NPHP1: variants seen among roughly 807,000 people sequenced by gnomAD.
The protein encoded by NPHP1 is nephrocystin 1, also known as nephrocystin-1.
NPHP1 carries 70 observed loss-of-function variants against 90.4 expected under a neutral mutation model. The ratio of observed to expected loss-of-function variants is 0.77; its 90% CI spans 0.64 to 0.95. The LOEUF (loss-of-function observed/expected upper bound fraction) is 0.95. Ranked by LOEUF, NPHP1 falls within the 40% of genes least tolerant of loss-of-function variation. NPHP1 has a pLI of 0.00. For synonymous variants in NPHP1, 256 were observed against 271.7 expected, an observed-to-expected ratio of 0.94 and a Z score of 0.57; for missense variants, 764 against 795.9, an observed-to-expected ratio of 0.96 and a Z score of 0.48.
In NPHP1 at chr2:110,193,250, T is replaced by C. The variant is rs150259301; in HGVS notation, c.143+8171A>G. Among the ~76,000 whole-genome samples, 1,134 of 152,194 alleles carry C rather than the reference T, an allele frequency of 7.5e-3. 9 individuals are homozygous for C. The highest frequency in any genetic ancestry group is 0.032 in the South Asian group (153 of 4,826). On this transcript the variant is annotated intron_variant, in intron 2 of 19. Coordinates refer to ENST00000445609, the MANE Select transcript of NPHP1 (RefSeq NM_001128178.3). Reference sequence around the variant, plus strand: ...AGTCAAGGCCCATCAGTGTGTTGTATTCAGGAAACCCATCTCATGTACAGA... The same window carrying C: ...AGTCAAGGCCCATCAGTGTGTTGTACTCAGGAAACCCATCTCATGTACAGA...
At chr2:110,125,218 C>G in intron 19 of NPHP1, 1 of 1,535,074 alleles carries the variant, frequency 6.5e-7, no homozygotes, top group Non-Finnish European at 8.7e-7. Context: ...TTGGTAATTA[C>G]CATGATTTTA....
chr2:110,200,192 T>C (rs1303282358), intron 2 of NPHP1, among the ~76,000 whole-genome samples: 3 of 151,794 alleles, frequency 2.0e-5, no homozygotes, highest in African/African-American at 7.3e-5. Context: ...GAGGTGGAGC[T>C]TGCAGTGAGC....
chr2:110,123,963 T>C lies in NPHP1; in HGVS notation c.1862A>G (p.Glu621Gly). The C allele has an allele frequency of 2.5e-6, 4 of 1,614,118 alleles. No homozygotes were observed. Among genetic ancestry groups the C allele is most frequent in the Non-Finnish European group, 3.4e-6 (4 of 1,179,954 alleles). The change falls in exon 20 of 20, where the codon GAA becomes GGA. Residue 621 changes from glutamate to glycine, a missense_variant. Coordinates refer to ENST00000445609, the MANE Select transcript of NPHP1 (RefSeq NM_001128178.3). ...CCACCGTGCAGTCTCAGTCTCTTCT[T>C]CTGCCCACCTGAATGGGGGTAGGCG... The part of the protein sequence containing the change: ...STRLPPFRWA[E>G]EETETARWKV...
intron 18 of NPHP1, chr2:110,127,170 CT>C (rs1482080480): frequency 6.6e-6 from 1 of 152,254 alleles, no homozygotes; most frequent in Non-Finnish European, 1.5e-5. Context: ...TCTCCCTCTT[CT>C]GCAGGGAAAC....
chr2:110,123,717 C>G lies in NPHP1; in HGVS notation c.*74G>C. On this transcript the variant is annotated 3_prime_UTR_variant, in exon 20 of 20. Coordinates refer to ENST00000445609, the MANE Select transcript of NPHP1 (RefSeq NM_001128178.3). ...TGTAAAGTGACAGTGATTTTTGGTT[C>G]CATCATTTTATTCACGTAATCGTGG... 2 of 1,499,526 alleles carry G rather than the reference C, an allele frequency of 1.3e-6. No homozygotes were observed. Among genetic ancestry groups the G allele is most frequent in the Non-Finnish European group, 1.9e-6 (2 of 1,078,948 alleles). 92.9% of individuals were successfully genotyped at this position (1,499,526 alleles called of 1,614,324 possible).
At chr2:110,154,513 G>A (rs572996292) in intron 11 of NPHP1, among the ~76,000 whole-genome samples, 2 of 152,274 alleles carry the variant, frequency 1.3e-5, no homozygotes, top group Admixed American at 6.5e-5. Flanking sequence ...GGAAAGTTTG[G>A]AATCTCCTAG....
At chr2:110,153,912 G>A (rs1335213943) in intron 11 of NPHP1, among the ~76,000 whole-genome samples, 1 of 151,948 alleles carries the variant, frequency 6.6e-6, no homozygotes, top group East Asian at 1.9e-4. Context: ...AAACACAGGA[G>A]GCAGAGGTTG....
At chr2:110,178,098 C>T (rs529141309) in intron 4 of NPHP1, 14 of 375,336 alleles carry the variant, frequency 3.7e-5, no homozygotes, top group African/African-American at 2.9e-4. Flanking sequence ...AGTAGACATT[C>T]CAAATCATTT....
chr2:110,165,011 G>T, intron 7 of NPHP1, 41 bp downstream of exon 7: 2 of 1,446,010 alleles, frequency 1.4e-6, no homozygotes. Flanking sequence ...CAAATAAAAT[G>T]TTTCCTAAAC....
rs779679267 is a variant in NPHP1, at chr2:110,165,033, T to A, written c.728+19A>T. On this transcript the variant is annotated intron_variant, in intron 7 of 19. Coordinates refer to ENST00000445609, the MANE Select transcript of NPHP1 (RefSeq NM_001128178.3). ...AATGTTTCCTAAACCTACTTTGATATCCTTTCCCACTTTTGTACCTTTGCT... is the reference window on the plus strand; with the variant it reads ...AATGTTTCCTAAACCTACTTTGATAACCTTTCCCACTTTTGTACCTTTGCT... 6.3e-7 allele frequency: 1 copy of A among 1,577,670 alleles called. No individual in the cohort carries two copies. Among genetic ancestry groups the A allele is most frequent in the Admixed American group, 1.7e-5 (1 of 60,004 alleles).
chr2:110,143,539 C>T lies in NPHP1; in HGVS notation c.1529+3G>A. The T allele has an allele frequency of 6.2e-7, 1 of 1,603,078 alleles. No homozygotes were observed. Among genetic ancestry groups the T allele is most frequent in the Non-Finnish European group, 8.5e-7 (1 of 1,169,926 alleles). ...CACTGGACAGGTAAAAGCAGGTACC[C>T]ACCTTAGTACATTTCTTGATCTTCT... On this transcript the variant is annotated splice_donor_region_variant and intron_variant, in intron 16 of 19. Transcript: ENST00000445609.
chr2:110,188,389 A>G (rs1227528441), intron 2 of NPHP1, among the ~76,000 whole-genome samples: 1 of 152,106 alleles, frequency 6.6e-6, no homozygotes, highest in Non-Finnish European at 1.5e-5. Context: ...GCAGAGAGCT[A>G]AATCCTGAAC....
At position 110,144,474 on chromosome 2, in the gene NPHP1, C is replaced by G; in HGVS notation, c.1429+19G>C. 1 of 1,520,760 alleles carries G rather than the reference C, an allele frequency of 6.6e-7. No individual in the cohort carries two copies. Among genetic ancestry groups the G allele is most frequent in the Non-Finnish European group, 9.1e-7 (1 of 1,094,890 alleles). The allele number at this position is 1,520,760 out of a possible 1,614,324, so 94.2% of individuals were successfully genotyped here. A position where few individuals can be genotyped will look rare whatever the true frequency, so the allele number is the denominator to read the frequency against. On this transcript the variant is annotated intron_variant, in intron 15 of 19. Coordinates refer to ENST00000445609, the MANE Select transcript of NPHP1 (RefSeq NM_001128178.3). ...TGTTTAATCTTTAAGGAAAGGAAGACAACACATGAGAGCCATACCTCTTCT... is the reference window on the plus strand; with the variant it reads ...TGTTTAATCTTTAAGGAAAGGAAGAGAACACATGAGAGCCATACCTCTTCT...
intron 2 of NPHP1, 37 bp from the exon 3 acceptor site, chr2:110,179,721 C>G: frequency 1.1e-6 from 1 of 942,756 alleles, no homozygotes; most frequent in Admixed American, 1.9e-5. Flanking sequence ...ATTGATTTTT[C>G]TATTATCAGA....
At chr2:110,157,066 C>CGCCCA (rs1432772914) in intron 11 of NPHP1, among the ~76,000 whole-genome samples, 38 of 152,212 alleles carry the variant, frequency 2.5e-4, no homozygotes, top group South Asian at 1.0e-3. Flanking sequence ...TGAGCCACTG[C>CGCCCA]GCCCAGCCCA....
intron 16 of NPHP1, among the ~76,000 whole-genome samples, chr2:110,132,433 T>C (rs1481264827): frequency 6.6e-6 from 1 of 152,162 alleles, no homozygotes; most frequent in Non-Finnish European, 1.5e-5. Context: ...GACAGGTGAA[T>C]CACTTGAGGT....
At chr2:110,128,303 AAAG>A (rs1166255505) in intron 18 of NPHP1, 14 of 152,204 alleles carry the variant, frequency 9.2e-5, no homozygotes, top group Admixed American at 3.3e-4. Flanking sequence ...GAGTTTGCCT[AAAG>A]AAGAAACCTT....
intron 2 of NPHP1, among the ~76,000 whole-genome samples, chr2:110,188,905 C>T (rs1684482884): frequency 1.3e-5 from 2 of 152,026 alleles, no homozygotes; most frequent in Non-Finnish European, 2.9e-5. Flanking sequence ...GAAAGGGCCC[C>T]CTATTTAATA....
At chr2:110,173,802 G>C (rs1683329393) in intron 4 of NPHP1, among the ~76,000 whole-genome samples, 1 of 152,000 alleles carries the variant, frequency 6.6e-6, no homozygotes, top group South Asian at 2.1e-4. Flanking sequence ...AGAAAGGCTT[G>C]ACTATACATG....
Sources: gnomAD v4.1 joint callset for allele counts (sites outside exome capture counted in the v4.1 genomes callset) on GRCh38, gnomAD v4.1.1 for gene constraint, MANE v1.5 for transcripts, NCBI Gene and HGNC (gene_info 2026-07-23, HGNC 2026-07-21) for gene names.